The following ZMAT4 variants were observed in gnomAD, a reference collection of about 807,000 sequenced individuals.
ZMAT4 encodes the protein zinc finger matrin-type 4, also known as zinc finger matrin-type protein 4.
A neutral mutation model predicts 28.7 loss-of-function variants in ZMAT4; 17 were observed. The ratio of observed to expected loss-of-function variants is 0.59; its 90% CI spans 0.41 to 0.89. The LOEUF is 0.89. Among genes scored for constraint, ZMAT4 ranks in the 40% least tolerant of loss-of-function variants. ZMAT4 has a pLI of 0.00. For missense variants in ZMAT4, 240 were observed against 283.8 expected (o/e 0.85, Z 1.11); for synonymous variants, 117 against 109.2 (o/e 1.07, Z -0.44).
chr8:40,570,319 A>G (rs1333406665), intron 6 of ZMAT4, among the ~76,000 whole-genome samples: 1 of 152,228 alleles, frequency 6.6e-6, no homozygotes, highest in Non-Finnish European at 1.5e-5. Context: ...TGCATGGTGT[A>G]GATGACTGTC....
chr8:40,866,689 A>G (rs924842492), intron 1 of ZMAT4, among the ~76,000 whole-genome samples: 1 of 152,192 alleles, frequency 6.6e-6, no homozygotes, highest in Admixed American at 6.5e-5. Context: ...AACCAAATGC[A>G]AGAGGGAGTT....
chr8:40,589,493 C>T (rs1275194059), intron 5 of ZMAT4, among the ~76,000 whole-genome samples: 1 of 152,166 alleles, frequency 6.6e-6, no homozygotes, highest in Non-Finnish European at 1.5e-5. Context: ...AAATTCTAGC[C>T]TTATCCTAGA....
chr8:40,560,323 C>T (rs895508133), intron 6 of ZMAT4, among the ~76,000 whole-genome samples: 2 of 151,828 alleles, frequency 1.3e-5, no homozygotes, highest in Non-Finnish European at 2.9e-5. Context: ...TCCATTAAAG[C>T]TCTGTAGTAA....
At chr8:40,575,873 G>A (rs1256709449) in intron 6 of ZMAT4, among the ~76,000 whole-genome samples, 1 of 152,060 alleles carries the variant, frequency 6.6e-6, no homozygotes, top group African/African-American at 2.4e-5. Context: ...AGGAAATTCA[G>A]TGAGATACAA....
chr8:40,683,748 GA>G, intron 4 of ZMAT4, among the ~76,000 whole-genome samples: 1 of 152,194 alleles, frequency 6.6e-6, no homozygotes, highest in South Asian at 2.1e-4. Context: ...AAAATGTTAT[GA>G]ATTTTTTTTC....
chr8:40,637,720 G>A (rs1475419491), intron 5 of ZMAT4, among the ~76,000 whole-genome samples: 1 of 152,196 alleles, frequency 6.6e-6, no homozygotes, highest in South Asian at 2.1e-4. Flanking sequence ...AACCACACAC[G>A]TGACTCAGGT....
At chr8:40,856,235 C>T (rs1465144152) in intron 1 of ZMAT4, among the ~76,000 whole-genome samples, 2 of 151,952 alleles carry the variant, frequency 1.3e-5, no homozygotes, top group African/African-American at 4.8e-5. Flanking sequence ...GATGTGAGCG[C>T]CAAAGGAATT....
chr8:40,890,315 A>C (rs1238982079), intron 1 of ZMAT4, among the ~76,000 whole-genome samples: 4 of 152,024 alleles, frequency 2.6e-5, no homozygotes, highest in Non-Finnish European at 5.9e-5. Flanking sequence ...GTTTAAACCC[A>C]TTTCCTCCCA....
At chr8:40,544,703 G>T (rs931576501) in intron 6 of ZMAT4, among the ~76,000 whole-genome samples, 2 of 152,082 alleles carry the variant, frequency 1.3e-5, no homozygotes, top group Admixed American at 6.6e-5. Flanking sequence ...AAGTAGCAGA[G>T]ACAGTGCAAA....
At chr8:40,693,382 T>C (rs1055370448) in intron 4 of ZMAT4, among the ~76,000 whole-genome samples, 1 of 152,142 alleles carries the variant, frequency 6.6e-6, no homozygotes, top group African/African-American at 2.4e-5. Context: ...TCCCAGAGTG[T>C]TGGAATTACA....
chr8:40,570,106 CATT>C (rs759950173), intron 6 of ZMAT4, among the ~76,000 whole-genome samples: 5 of 152,228 alleles, frequency 3.3e-5, no homozygotes, highest in Admixed American at 6.5e-5. Context: ...CTCTCAAAAA[CATT>C]ATGTTGAGCA....
In ZMAT4 at chr8:40,682,538, T is replaced by A. The variant is rs192928819; in HGVS notation, c.350-7607A>T. On this transcript the variant is annotated intron_variant, in intron 4 of 6. Coordinates refer to ENST00000297737, the MANE Select transcript of ZMAT4 (RefSeq NM_024645.3). ...ATGCGAATTCTGCTACCCAGCCCCA[T>A]GAGATAGAAAAATCCACATGCTATT... is the stretch of plus-strand genomic sequence containing the variant. Among the ~76,000 whole-genome samples, 104 of 152,282 alleles carry A rather than the reference T, an allele frequency of 6.8e-4. 1 individual carries two copies. The highest frequency in any genetic ancestry group is 2.9e-3 in the Admixed American group (44 of 15,296).
intron 3 of ZMAT4, among the ~76,000 whole-genome samples, chr8:40,757,900 A>C (rs1286591947): frequency 1.3e-5 from 2 of 152,082 alleles, no homozygotes; most frequent in African/African-American, 2.4e-5. Flanking sequence ...GGCCAGAATA[A>C]AAGCAGACAA....
intron 3 of ZMAT4, among the ~76,000 whole-genome samples, chr8:40,731,588 A>G (rs1811545823): frequency 6.6e-6 from 1 of 152,232 alleles, no homozygotes; most frequent in African/African-American, 2.4e-5. Flanking sequence ...CATTCAAAGG[A>G]AAAACAGTAA....
In ZMAT4 at chr8:40,870,194, T is replaced by C. The variant is rs2150653237; in HGVS notation, c.-5+27489A>G. ...ACAACTTTTATTCCCTAAGAGACTTTTTACCTGCACAGCAAGACAGCCTTT... is the reference window on the plus strand; with the variant it reads ...ACAACTTTTATTCCCTAAGAGACTTCTTACCTGCACAGCAAGACAGCCTTT... On this transcript the variant is annotated intron_variant, in intron 1 of 6. Transcript: ENST00000297737. Among the ~76,000 whole-genome samples the C allele has an allele frequency of 2.6e-5, 4 of 152,290 alleles. No homozygotes were observed. In the South Asian group the frequency reaches 8.3e-4, roughly 32 times the overall value.
At chr8:40,872,361 A>G (rs1817888968) in intron 1 of ZMAT4, among the ~76,000 whole-genome samples, 1 of 152,184 alleles carries the variant, frequency 6.6e-6, no homozygotes, top group Non-Finnish European at 1.5e-5. Flanking sequence ...CTTCAGACAC[A>G]AGTCATGTCA....
At chr8:40,861,284 A>G (rs376442736) in intron 1 of ZMAT4, among the ~76,000 whole-genome samples, 1 of 152,200 alleles carries the variant, frequency 6.6e-6, no homozygotes, top group South Asian at 2.1e-4. Context: ...AGCTACAACC[A>G]TCTGATCTTT....
At chr8:40,584,640 TA>T (rs1804603872) in intron 5 of ZMAT4, among the ~76,000 whole-genome samples, 1 of 152,058 alleles carries the variant, frequency 6.6e-6, no homozygotes, top group Non-Finnish European at 1.5e-5. Flanking sequence ...TAAAGTTTTT[TA>T]TTTTTTTTTG....
intron 5 of ZMAT4, among the ~76,000 whole-genome samples, chr8:40,632,134 G>A (rs1316683278): frequency 6.6e-6 from 1 of 152,134 alleles, no homozygotes; most frequent in Non-Finnish European, 1.5e-5. Flanking sequence ...TGAACAGACT[G>A]GGCTGAGAAT....
Sources: allele counts gnomAD v4.1 joint callset (sites outside exome capture counted in the v4.1 genomes callset), GRCh38; gene constraint gnomAD v4.1.1; transcripts MANE v1.5; gene names NCBI Gene and HGNC (gene_info 2026-07-23, HGNC 2026-07-21).